Variants in LMBRD2 observed in about 807,000 individuals in gnomAD.
LMBRD2 encodes G protein-coupled receptor-associated protein LMBRD2.
In LMBRD2, 55 loss-of-function variants were observed where a neutral mutation model predicts 94.4. The ratio of observed to expected loss-of-function variants is 0.58; its 90% CI spans 0.47 to 0.73. The LOEUF is 0.73. Ranked by LOEUF, LMBRD2 falls within the 30% of genes least tolerant of loss-of-function variation. LMBRD2 has a pLI of 0.00. For synonymous variants in LMBRD2, 246 were observed against 272.4 expected, an observed-to-expected ratio of 0.90 and a Z score of 0.95; for missense variants, 640 against 831.9, an observed-to-expected ratio of 0.77 and a Z score of 2.84.
At position 36,116,475 on chromosome 5, in the gene LMBRD2, A is replaced by G. The variant is rs1249752101; in HGVS notation, c.1421T>C (p.Leu474Pro). ...ASHHQTDAYSLLFSGMLFCRL... is the reference protein window; with the variant it reads ...ASHHQTDAYSPLFSGMLFCRL... ...TCCTACTTACATGCCACTGAAAAGA[A>G]GGCTATAAGCATCAGTCTGGTGATG... Residue 474 changes from leucine to proline, a missense_variant, in exon 11 of 18, where the codon CTT becomes CCT. This residue lies in a region of LMBRD2 where 457 missense variants were observed against 642.8 expected (regional missense o/e 0.71). Coordinates refer to ENST00000296603, the MANE Select transcript of LMBRD2 (RefSeq NM_001007527.2). 1 of 1,613,104 alleles carries G rather than the reference A, an allele frequency of 6.2e-7. No individual in the cohort carries two copies. Among genetic ancestry groups the G allele is most frequent in the Non-Finnish European group, 8.5e-7 (1 of 1,179,338 alleles).
intron 4 of LMBRD2, among the ~76,000 whole-genome samples, chr5:36,138,966 G>T (rs952241450): frequency 2.6e-5 from 4 of 152,294 alleles, no homozygotes; most frequent in Admixed American, 6.5e-5. Context: ...AGTGTGGGGG[G>T]ACTGGCGGGG....
In LMBRD2 at chr5:36,116,410, A is replaced by G. The variant is rs769574484; in HGVS notation, c.1436+50T>C. On this transcript the variant is annotated intron_variant, in intron 11 of 17. Coordinates refer to ENST00000296603, the MANE Select transcript of LMBRD2 (RefSeq NM_001007527.2). ...AACAAAAAATAAAAGATCCATAAGA[A>G]TACACTCAATGATGACATTTCTCTT... 42 of 1,545,582 alleles carry G rather than the reference A, an allele frequency of 2.7e-5. No individual in the cohort carries two copies. In the South Asian group the frequency reaches 4.1e-4, roughly 15 times the overall value.
At chr5:36,106,312 A>C (rs1268496078) in intron 16 of LMBRD2, among the ~76,000 whole-genome samples, 1 of 152,102 alleles carries the variant, frequency 6.6e-6, no homozygotes, top group East Asian at 1.9e-4. Flanking sequence ...TCTCCAGGAC[A>C]ACTGCCTTAT....
chr5:36,114,784 C>T (rs1237600174), intron 12 of LMBRD2, among the ~76,000 whole-genome samples: 1 of 151,974 alleles, frequency 6.6e-6, no homozygotes, highest in East Asian at 1.9e-4. Context: ...TAGGTCAGTT[C>T]TTTTGATACT....
chr5:36,125,417 T>A (rs1743985851), intron 6 of LMBRD2, among the ~76,000 whole-genome samples: 1 of 152,174 alleles, frequency 6.6e-6, no homozygotes, highest in South Asian at 2.1e-4. Context: ...GTAATTTATA[T>A]GACAGACTCA....
chr5:36,133,002 TAA>T (rs34516747), intron 6 of LMBRD2, among the ~76,000 whole-genome samples: 17 of 132,672 alleles, frequency 1.3e-4, no homozygotes, highest in African/African-American at 2.2e-4. Flanking sequence ...TCAAAAAAAT[TAA>T]AAAAAAAAAA....
At chr5:36,104,557 T>C (rs11743551) in intron 17 of LMBRD2, among the ~76,000 whole-genome samples, 3 of 151,926 alleles carry the variant, frequency 2.0e-5, no homozygotes, top group Admixed American at 6.6e-5. Flanking sequence ...ATACTGGACT[T>C]TGAATGCCTG....
intron 6 of LMBRD2, among the ~76,000 whole-genome samples, chr5:36,135,041 T>G (rs1192928667): frequency 6.6e-6 from 1 of 152,162 alleles, no homozygotes; most frequent in Non-Finnish European, 1.5e-5. Flanking sequence ...TCTCATTCAT[T>G]TATTTACTGG....
intron 12 of LMBRD2, 132 bp downstream of exon 12, chr5:36,114,883 A>G: frequency 3.0e-6 from 2 of 676,144 alleles, no homozygotes; most frequent in Non-Finnish European, 5.1e-6. Context: ...AGTAATACGT[A>G]TACAATCTTT....
In LMBRD2 at chr5:36,136,389, G is replaced by C; in HGVS notation, c.667C>G (p.Leu223Val). ...GCTGCCTTAAAATACGTTTTCATAA[G>C]TAGATAACCCCTTTTTGCTCCATTC... ...YWNGAKRGYL[L>V]MKTYFKAAKL... The change falls in exon 6 of 18, where the codon CTT becomes GTT. Residue 223 changes from leucine (L) to valine (V), a missense_variant. Around this residue, in one of 2 missense-constraint regions of LMBRD2, gnomAD observed 457 missense variants for 642.8 expected, o/e 0.71. Transcript: ENST00000296603. 1 of 1,614,030 alleles carries C rather than the reference G, an allele frequency of 6.2e-7. No homozygotes were observed. The highest frequency in any genetic ancestry group is 8.5e-7 in the Non-Finnish European group (1 of 1,179,946).
chr5:36,140,226 T>G (rs376833206), intron 4 of LMBRD2, among the ~76,000 whole-genome samples: 1 of 152,352 alleles, frequency 6.6e-6, no homozygotes, highest in East Asian at 1.9e-4. Flanking sequence ...CCTGTGCCGA[T>G]GCCTGGAGCT....
In LMBRD2 at chr5:36,100,595, C is replaced by T; in HGVS notation, c.*3451G>A. The T allele has an allele frequency of 6.6e-6, 1 of 152,044 alleles. No homozygotes were observed. Among genetic ancestry groups the T allele is most frequent in the Non-Finnish European group, 1.5e-5 (1 of 67,968 alleles). 9.4% of individuals were successfully genotyped at this position (152,044 alleles called of 1,614,324 possible). A position where few individuals can be genotyped will look rare whatever the true frequency, so the allele number is the denominator to read the frequency against. ...AAAGAAAGACAAAACCCTAAATCCA[C>T]TTACTTCTTAACATTTAGAATTCAA... On this transcript the variant is annotated 3_prime_UTR_variant, in exon 18 of 18. Coordinates refer to ENST00000296603, the MANE Select transcript of LMBRD2 (RefSeq NM_001007527.2).
intron 4 of LMBRD2, among the ~76,000 whole-genome samples, chr5:36,140,569 T>C (rs1005456989): frequency 2.0e-5 from 3 of 152,130 alleles, no homozygotes; most frequent in Non-Finnish European, 2.9e-5. Flanking sequence ...TGGGTAGGTA[T>C]GTAGATTTGT....
chr5:36,146,549 AT>A (rs1271626370), intron 1 of LMBRD2, among the ~76,000 whole-genome samples: 11 of 151,964 alleles, frequency 7.2e-5, no homozygotes, highest in Non-Finnish European at 8.8e-5. Flanking sequence ...TTAAAAAAAA[AT>A]TTTTTTTGTA....
At chr5:36,139,585 C>A (rs1744354249) in intron 4 of LMBRD2, among the ~76,000 whole-genome samples, 1 of 152,216 alleles carries the variant, frequency 6.6e-6, no homozygotes. Context: ...TCAGTGCACA[C>A]TTTCTCCTCT....
intron 3 of LMBRD2, among the ~76,000 whole-genome samples, chr5:36,141,629 A>T (rs1472831116): frequency 2.0e-5 from 3 of 151,826 alleles, no homozygotes; most frequent in East Asian, 3.9e-4. Context: ...GGAAAACATT[A>T]GGTAATTAAT....
chr5:36,101,437 C>G lies in LMBRD2; in HGVS notation c.*2609G>C, dbSNP rs1743344010. 1 of 151,628 alleles carries G rather than the reference C, an allele frequency of 6.6e-6. No homozygotes were observed. The highest frequency in any genetic ancestry group is 2.4e-5 in the African/African-American group (1 of 41,332). 9.4% of individuals were successfully genotyped at this position (151,628 alleles called of 1,614,324 possible). A position where few individuals can be genotyped will look rare whatever the true frequency, so the allele number is the denominator to read the frequency against. Reference sequence around the variant, plus strand: ...AAGTAATAAAGTCATCAAAAATTACCAGAAATAATTCTTTAAGAAATGTAC... The same window carrying G: ...AAGTAATAAAGTCATCAAAAATTACGAGAAATAATTCTTTAAGAAATGTAC... On this transcript the variant is annotated 3_prime_UTR_variant, in exon 18 of 18. Coordinates refer to ENST00000296603, the MANE Select transcript of LMBRD2 (RefSeq NM_001007527.2).
intron 1 of LMBRD2, among the ~76,000 whole-genome samples, chr5:36,144,622 T>A (rs1407623239): frequency 6.6e-6 from 1 of 152,132 alleles, no homozygotes; most frequent in Non-Finnish European, 1.5e-5. Flanking sequence ...AGGCAGAGGT[T>A]GCAGTAAGCC....
chr5:36,117,641 C>T, intron 10 of LMBRD2, 94 bp downstream of exon 10: 2 of 893,796 alleles, frequency 2.2e-6, no homozygotes, highest in South Asian at 5.4e-5. Flanking sequence ...AACCTCACTG[C>T]TTTCATTTTT....
Sources: gnomAD v4.1 joint callset for allele counts (sites outside exome capture counted in the v4.1 genomes callset) on GRCh38, gnomAD v4.1.1 for gene constraint, gnomAD v4.1.1 regional missense constraint, MANE v1.5 for transcripts, NCBI Gene and HGNC (gene_info 2026-07-23, HGNC 2026-07-21) for gene names.